The following TMTC2 variants were observed in gnomAD, a reference collection of about 807,000 sequenced individuals.
TMTC2 encodes the protein transmembrane O-mannosyltransferase targeting cadherins 2.
TMTC2 carries 43 observed loss-of-function variants against 82.4 expected under a neutral mutation model. That is an observed-to-expected ratio of 0.52 (90% CI 0.41 to 0.67). The LOEUF is 0.67. TMTC2 is among the 30% of genes least tolerant of loss of function. TMTC2 has a pLI of 0.00. For missense variants in TMTC2, 919 were observed against 1,012.4 expected, an observed-to-expected ratio of 0.91 and a Z score of 1.25; for synonymous variants, 408 against 381.9, an observed-to-expected ratio of 1.07 and a Z score of -0.80.
intron 1 of TMTC2, among the ~76,000 whole-genome samples, chr12:82,730,852 A>G (rs1049752466): frequency 6.6e-6 from 1 of 152,206 alleles, no homozygotes; most frequent in Non-Finnish European, 1.5e-5. Flanking sequence ...ACAATTTTCT[A>G]GAGAGGTAAA....
intron 1 of TMTC2, among the ~76,000 whole-genome samples, chr12:82,808,102 T>C (rs1477287198): frequency 1.3e-5 from 2 of 151,824 alleles, no homozygotes; most frequent in Non-Finnish European, 2.9e-5. Flanking sequence ...AAAAACTGTT[T>C]AAAAAACAGT....
chr12:82,840,419 C>T (rs60896970), intron 1 of TMTC2, among the ~76,000 whole-genome samples: 2,053 of 152,254 alleles, frequency 0.013, 42 homozygotes, highest in African/African-American at 0.047. Context: ...ATTGGTTGTT[C>T]TTAGATTTCT....
chr12:82,937,742 G>GTT (rs1876411136), intron 4 of TMTC2, among the ~76,000 whole-genome samples: 1 of 34,446 alleles, frequency 2.9e-5, no homozygotes, highest in African/African-American at 9.0e-5. Context: ...GTGTGTGTGT[G>GTT]TGTGTGTGTA....
chr12:82,954,356 C>T (rs191452773), intron 4 of TMTC2, among the ~76,000 whole-genome samples: 86 of 152,212 alleles, frequency 5.7e-4, no homozygotes, highest in African/African-American at 2.0e-3. Context: ...AAACACCTTA[C>T]ATTTTATCAT....
Position 83,133,668 on chromosome 12 carries a change from G to GA in TMTC2, c.*1284dup, listed in dbSNP as rs1828883942. On this transcript the variant is annotated 3_prime_UTR_variant, in exon 12 of 12. Transcript: ENST00000321196. ...AACTACTTCAATGATCATTTCACAA[G>GA]AAAAAGACTATAAATTAAGTAGAGA... The GA allele has an allele frequency of 6.6e-6, 1 of 152,072 alleles. No homozygotes were observed. Among genetic ancestry groups the GA allele is most frequent in the African/African-American group, 2.4e-5 (1 of 41,410 alleles). 9.4% of individuals were successfully genotyped at this position (152,072 alleles called of 1,614,324 possible).
rs995984216 is a variant in TMTC2 at position 82,841,403 on chromosome 12, C to T, written c.84-15607C>T. 4.6e-5 allele frequency among the ~76,000 whole-genome samples: 7 copies of T among 152,322 alleles called. No homozygotes were observed. The East Asian group carries it at 1.2e-3, about 25-fold the overall frequency. On this transcript the variant is annotated intron_variant, in intron 1 of 11. Transcript: ENST00000321196. Reference sequence around the variant, plus strand: ...CCCCTCATTCTTGGATGAAATATCTCTTGCCTTCCATGACAAATTAGAGTT... The same window carrying T: ...CCCCTCATTCTTGGATGAAATATCTTTTGCCTTCCATGACAAATTAGAGTT...
chr12:83,104,027 G>A lies in TMTC2; in HGVS notation c.2332-28183G>A, dbSNP rs184158346. Among the ~76,000 whole-genome samples the A allele has an allele frequency of 5.2e-4, 79 of 152,336 alleles. No individual in the cohort carries two copies. The East Asian group carries it at 0.014, about 27-fold the overall frequency. ...CCCATGCAAGTTCAGACCCCAGCAG[G>A]GCAGTGATCAAATCTTAATGCTCCA... On this transcript the variant is annotated intron_variant, in intron 11 of 11. Transcript: ENST00000321196.
At chr12:83,055,762 G>A (rs1882518337) in intron 10 of TMTC2, among the ~76,000 whole-genome samples, 1 of 151,550 alleles carries the variant, frequency 6.6e-6, no homozygotes, top group Non-Finnish European at 1.5e-5. Flanking sequence ...TACTTACAGG[G>A]TAAGGGATAA....
chr12:82,966,898 T>G, intron 6 of TMTC2, 21 bp from the exon 7 acceptor site: 6 of 1,562,488 alleles, frequency 3.8e-6, no homozygotes, highest in Non-Finnish European at 5.3e-6. Flanking sequence ...ATTTATCTAT[T>G]TTTTTTGTTT....
chr12:82,937,701 G>GGTGTGTGTGTGT (rs146657948), intron 4 of TMTC2, among the ~76,000 whole-genome samples: 910 of 73,082 alleles, frequency 0.012, 24 homozygotes, highest in East Asian at 0.099. Context: ...AAATGTCAAT[G>GGTGTGTGTGTGT]GTGTGTGTGT....
At chr12:82,926,713 T>C (rs1433838186) in intron 3 of TMTC2, among the ~76,000 whole-genome samples, 2 of 152,202 alleles carry the variant, frequency 1.3e-5, no homozygotes, top group African/African-American at 4.8e-5. Flanking sequence ...TATGGGCTAA[T>C]ACAACTGGTA....
At chr12:82,879,680 T>C (rs778435812) in intron 2 of TMTC2, among the ~76,000 whole-genome samples, 1 of 152,254 alleles carries the variant, frequency 6.6e-6, no homozygotes, top group Non-Finnish European at 1.5e-5. Flanking sequence ...GGTGAGATTC[T>C]CAGTAACAAC....
chr12:82,921,832 T>G lies in TMTC2; in HGVS notation c.1484-8599T>G, dbSNP rs548215183. ...GGACTTTTAGGCTGGGTGCAGTGACTCATTCCTGTAATCCCAGCACTTTGC... is the reference window on the plus strand; with the variant it reads ...GGACTTTTAGGCTGGGTGCAGTGACGCATTCCTGTAATCCCAGCACTTTGC... On this transcript the variant is annotated intron_variant, in intron 3 of 11. Coordinates refer to ENST00000321196, the MANE Select transcript of TMTC2 (RefSeq NM_152588.3). Among the ~76,000 whole-genome samples, 7 of 152,164 alleles carry G rather than the reference T, an allele frequency of 4.6e-5. No individual in the cohort carries two copies. The South Asian group carries it at 1.5e-3, about 32-fold the overall frequency.
chr12:82,866,934 A>G (rs1206296812), intron 2 of TMTC2, among the ~76,000 whole-genome samples: 2 of 152,234 alleles, frequency 1.3e-5, no homozygotes, highest in African/African-American at 4.8e-5. Context: ...AGGTGATACT[A>G]TGGTAAGGTT....
At chr12:82,819,861 A>G (rs1463450701) in intron 1 of TMTC2, among the ~76,000 whole-genome samples, 4 of 152,078 alleles carry the variant, frequency 2.6e-5, no homozygotes, top group African/African-American at 9.7e-5. Context: ...AACTAATAGG[A>G]TAGATGTGTA....
At chr12:82,745,003 A>G (rs943042418) in intron 1 of TMTC2, among the ~76,000 whole-genome samples, 1 of 152,118 alleles carries the variant, frequency 6.6e-6, no homozygotes, top group Non-Finnish European at 1.5e-5. Context: ...TTTGTTGTCA[A>G]AGAATGTATA....
chr12:82,713,268 T>G (rs541560256), intron 1 of TMTC2, among the ~76,000 whole-genome samples: 7 of 151,466 alleles, frequency 4.6e-5, no homozygotes, highest in Middle Eastern at 6.8e-3. Flanking sequence ...TGAGCCAAGA[T>G]AGTGCCATTG....
chr12:82,862,371 CT>C (rs1871597644), intron 2 of TMTC2, among the ~76,000 whole-genome samples: 1 of 152,190 alleles, frequency 6.6e-6, no homozygotes, highest in African/African-American at 2.4e-5. Context: ...GTGGAAACAT[CT>C]CTTTCCCCTT....
At chr12:82,943,753 TG>T (rs2137266379) in intron 4 of TMTC2, among the ~76,000 whole-genome samples, 1 of 152,340 alleles carries the variant, frequency 6.6e-6, no homozygotes, top group African/African-American at 2.4e-5. Flanking sequence ...ATTTACATTT[TG>T]GAAATAAGGA....
Sources: allele counts gnomAD v4.1 joint callset (sites outside exome capture counted in the v4.1 genomes callset), GRCh38; gene constraint gnomAD v4.1.1; transcripts MANE v1.5; gene names NCBI Gene and HGNC (gene_info 2026-07-23, HGNC 2026-07-21).